VPS37A: variants seen among roughly 807,000 people sequenced by gnomAD.
The protein encoded by VPS37A is vacuolar protein sorting-associated protein 37A.
Under a neutral mutation model 49.8 loss-of-function variants are expected in VPS37A, and 30 were observed. That is an observed-to-expected ratio of 0.60 (90% CI 0.45 to 0.82). The LOEUF is 0.82. Ranked by LOEUF, VPS37A falls within the 40% of genes least tolerant of loss-of-function variation. The pLI is 0.00. For missense variants in VPS37A, 593 were observed against 464.4 expected (o/e 1.28, Z -2.55); for synonymous variants, 195 against 160.6 (o/e 1.21, Z -1.62).
At chr8:17,301,366 T>C (rs1051218841), downstream of VPS37A, among the ~76,000 whole-genome samples, 5 of 152,114 alleles carry the variant, frequency 3.3e-5, no homozygotes, top group African/African-American at 1.2e-4. Context: ...CTGTGAAAGA[T>C]TTAAACTTGG....
intron 10 of VPS37A, 95 bp from the exon 11 acceptor site, chr8:17,286,252 C>G: frequency 1.1e-6 from 1 of 939,658 alleles, no homozygotes; most frequent in Non-Finnish European, 1.6e-6. Context: ...AAAATAATGC[C>G]AACAAGTTAA....
At chr8:17,301,256 A>C (rs1817091217), downstream of VPS37A, among the ~76,000 whole-genome samples, 1 of 152,222 alleles carries the variant, frequency 6.6e-6, no homozygotes, top group African/African-American at 2.4e-5. Flanking sequence ...GCAATGTAAG[A>C]ATTTCAAAAA....
intron 4 of VPS37A, among the ~76,000 whole-genome samples, chr8:17,273,075 G>A (rs1437661390): frequency 1.6e-5 from 2 of 124,910 alleles, no homozygotes; most frequent in Non-Finnish European, 3.2e-5. Flanking sequence ...AAATGATATG[G>A]TTTTGGAAAG....
Position 17,265,951 on chromosome 8 carries a change from C to G in VPS37A, c.170C>G (p.Thr57Ser), listed in dbSNP as rs746138823. Residue 57 changes from threonine to serine, a missense_variant, in exon 2 of 12, where the codon ACC (threonine) becomes AGC (serine). Physicochemically the swap from Thr to Ser is moderately conservative, Grantham distance 58. Transcript: ENST00000324849. Reference sequence around the variant, plus strand: ...GATGTGGAATACAGATTGCCATTCACCATAAACAACCTGACAATTAACATT... The same window carrying G: ...GATGTGGAATACAGATTGCCATTCAGCATAAACAACCTGACAATTAACATT... ...QKDVEYRLPF[T>S]INNLTININI... 12 of 1,613,006 alleles carry G rather than the reference C, an allele frequency of 7.4e-6. No individual in the cohort carries two copies. In the African/African-American group the frequency reaches 1.2e-4, roughly 16 times the overall value.
intron 1 of VPS37A, among the ~76,000 whole-genome samples, chr8:17,250,753 T>C (rs1811902779): frequency 6.6e-6 from 1 of 152,186 alleles, no homozygotes; most frequent in Non-Finnish European, 1.5e-5. Flanking sequence ...TCTCCTCAGC[T>C]ACCTCAGTCT....
intron 1 of VPS37A, among the ~76,000 whole-genome samples, chr8:17,256,456 G>C (rs1812471053): frequency 6.6e-6 from 1 of 151,428 alleles, no homozygotes; most frequent in South Asian, 2.1e-4. Context: ...AGAAATGTTT[G>C]TTGAGATCTT....
chr8:17,291,334 TA>T, intron 11 of VPS37A, among the ~76,000 whole-genome samples: 1 of 152,302 alleles, frequency 6.6e-6, no homozygotes, highest in African/African-American at 2.4e-5. Context: ...TATCATTTTT[TA>T]TTTTGTCTAT....
chr8:17,253,699 A>G (rs1428936784), intron 1 of VPS37A, among the ~76,000 whole-genome samples: 2 of 152,174 alleles, frequency 1.3e-5, no homozygotes, highest in Non-Finnish European at 2.9e-5. Context: ...CCGCTAGGTT[A>G]GGTGCTTTCT....
the VPS37A span, among the ~76,000 whole-genome samples, chr8:17,313,128 C>T: frequency 2.0e-5 from 3 of 152,208 alleles, no homozygotes; most frequent in Non-Finnish European, 4.4e-5. Context: ...TATTCTTTCG[C>T]AAAATCATAT....
At chr8:17,273,940 C>T (rs1189539925) in intron 4 of VPS37A, among the ~76,000 whole-genome samples, 1 of 151,956 alleles carries the variant, frequency 6.6e-6, no homozygotes, top group Non-Finnish European at 1.5e-5. Context: ...ACTGTAAGTC[C>T]CTTATCCTTT....
At chr8:17,318,281 C>T in the VPS37A span, among the ~76,000 whole-genome samples, 4 of 152,100 alleles carry the variant, frequency 2.6e-5, no homozygotes, top group African/African-American at 7.2e-5. Flanking sequence ...ACCCAGCAGA[C>T]GTACACCAAA....
At chr8:17,304,219 C>CA (rs1426720926), downstream of VPS37A, among the ~76,000 whole-genome samples, 1 of 152,158 alleles carries the variant, frequency 6.6e-6, no homozygotes, top group Admixed American at 6.5e-5. Flanking sequence ...GAGTCACTGG[C>CA]AAAAATACCA....
downstream of VPS37A, among the ~76,000 whole-genome samples, chr8:17,300,599 T>G (rs186943271): frequency 1.3e-5 from 2 of 152,354 alleles, no homozygotes; most frequent in Admixed American, 6.5e-5. Flanking sequence ...ATCATCTAAC[T>G]TTTATACTGA....
At position 17,280,375 on chromosome 8, in the gene VPS37A, T is replaced by C; in HGVS notation, c.901T>C (p.Tyr301His). 1 of 1,608,578 alleles carries C rather than the reference T, an allele frequency of 6.2e-7. No homozygotes were observed. The highest frequency in any genetic ancestry group is 8.5e-7 in the Non-Finnish European group (1 of 1,178,240). ...ACAACCTTTTCATTTTCTCTTTTAG[T>C]ATGAATTACTTACACAGATGAAGTC... is the stretch of plus-strand genomic sequence containing the variant. Reference protein sequence around the residue: ...EAKRQTVLDKYELLTQMKSTF... With the variant: ...EAKRQTVLDKHELLTQMKSTF... The change falls in exon 9 of 12, where the codon TAT (tyrosine) becomes CAT (histidine). Residue 301 changes from tyrosine to histidine, a missense_variant and splice_region_variant. Physicochemically the swap from Tyr to His is moderately conservative, Grantham distance 83 (BLOSUM62 2). Coordinates refer to ENST00000324849, the MANE Select transcript of VPS37A (RefSeq NM_152415.3).
chr8:17,278,159 C>A (rs1366792033), intron 6 of VPS37A, among the ~76,000 whole-genome samples: 3 of 152,018 alleles, frequency 2.0e-5, no homozygotes, highest in African/African-American at 7.2e-5. Flanking sequence ...AATTCTTTTG[C>A]CAATACTTAT....
At chr8:17,326,749 A>G in the VPS37A span, among the ~76,000 whole-genome samples, 4 of 152,158 alleles carry the variant, frequency 2.6e-5, no homozygotes, top group Non-Finnish European at 2.9e-5. Context: ...TCCCTGTTCA[A>G]ACTTCCTGAT....
chr8:17,281,724 A>G (rs1272572662), intron 9 of VPS37A, among the ~76,000 whole-genome samples: 1 of 152,082 alleles, frequency 6.6e-6, no homozygotes, highest in Non-Finnish European at 1.5e-5. Flanking sequence ...AAAATTCTAG[A>G]GAACTGAGAA....
the VPS37A span, among the ~76,000 whole-genome samples, chr8:17,325,882 C>A: frequency 6.6e-6 from 1 of 152,162 alleles, no homozygotes; most frequent in Non-Finnish European, 1.5e-5. Flanking sequence ...CACCTACAGC[C>A]CATCAACGTA....
At chr8:17,313,282 A>G in the VPS37A span, 3 of 1,587,490 alleles carry the variant, frequency 1.9e-6, no homozygotes, top group Admixed American at 5.1e-5. Context: ...TTTTCTCTGC[A>G]ATTGCATACC....
Sources: gnomAD v4.1 joint callset for allele counts (sites outside exome capture counted in the v4.1 genomes callset) on GRCh38, gnomAD v4.1.1 for gene constraint, MANE v1.5 for transcripts, NCBI Gene and HGNC (gene_info 2026-07-23, HGNC 2026-07-21) for gene names.